The following VWA8 variants were observed in gnomAD, a reference collection of about 807,000 sequenced individuals.
The protein encoded by VWA8 is von Willebrand factor A domain-containing protein 8.
In VWA8, 221 loss-of-function variants were observed where a neutral mutation model predicts 241.5. The ratio of observed to expected loss-of-function variants is 0.91; its 90% CI spans 0.82 to 1.02. The LOEUF is 1.02. VWA8 is among the 50% of genes least tolerant of loss of function. The pLI, the probability that VWA8 is intolerant of heterozygous loss-of-function variation, is 0.00. For missense variants in VWA8, 2,322 were observed against 2,328.7 expected, an observed-to-expected ratio of 1.00 and a Z score of 0.06; for synonymous variants, 852 against 827.1, an observed-to-expected ratio of 1.03 and a Z score of -0.52.
At chr13:41,573,486 A>ATATATATATATATAT (rs1555303592) in intron 43 of VWA8, among the ~76,000 whole-genome samples, 22 of 113,582 alleles carry the variant, frequency 1.9e-4, no homozygotes, top group Middle Eastern at 4.5e-3. Context: ...AAAAAAAAAA[A>ATATATATATATATAT]ATATATATAT....
chr13:41,616,917 A>C (rs1360271180), intron 37 of VWA8, among the ~76,000 whole-genome samples: 1 of 152,196 alleles, frequency 6.6e-6, no homozygotes, highest in Non-Finnish European at 1.5e-5. Context: ...AGAAATGAGA[A>C]GGACAAAGAA....
At chr13:41,739,848 G>GTTTTTTTTTTTTTTT (rs1179107917) in intron 21 of VWA8, among the ~76,000 whole-genome samples, 1 of 50,896 alleles carries the variant, frequency 2.0e-5, no homozygotes, top group African/African-American at 6.4e-5. Flanking sequence ...TGTTTTTTTT[G>GTTTTTTTTTTTTTTT]TTTTTTTTGT....
chr13:41,935,971 A>G (rs1251007986), intron 2 of VWA8, among the ~76,000 whole-genome samples: 5 of 152,090 alleles, frequency 3.3e-5, no homozygotes, highest in African/African-American at 9.7e-5. Flanking sequence ...TCTACTTTCT[A>G]TCTCTACCAC....
At chr13:41,883,304 G>A in intron 9 of VWA8, 83 bp downstream of exon 9, 1 of 1,061,310 alleles carries the variant, frequency 9.4e-7, no homozygotes, top group East Asian at 2.5e-5. Flanking sequence ...GGAAAGGTGG[G>A]GAAAGGAGTG....
chr13:41,831,952 GA>G (rs1272918406), intron 13 of VWA8, among the ~76,000 whole-genome samples: 1 of 142,482 alleles, frequency 7.0e-6, no homozygotes, highest in Non-Finnish European at 1.5e-5. Flanking sequence ...TTTTTTTTGA[GA>G]CAGAGTCTCG....
chr13:41,729,577 T>G lies in VWA8; in HGVS notation c.2603A>C (p.Glu868Ala), dbSNP rs1407880328. Residue 868 changes from glutamate (E) to alanine (A), a missense_variant, in exon 23 of 45, where the codon GAA becomes GCA. Transcript: ENST00000379310. ...CILKTLVENG[E>A]MILADGRRIV... is the part of the protein sequence containing the mutation. Reference sequence around the variant, plus strand: ...GCGTCTTCCATCTGCTAGAATCATTTCTCCATTTTCTACTAGAGTTTTTAA... The same window carrying G: ...GCGTCTTCCATCTGCTAGAATCATTGCTCCATTTTCTACTAGAGTTTTTAA... 6.2e-7 allele frequency: 1 copy of G among 1,612,664 alleles called. No individual in the cohort carries two copies. Among genetic ancestry groups the G allele is most frequent in the Non-Finnish European group, 8.5e-7 (1 of 1,179,382 alleles).
chr13:41,632,988 T>C (rs1292006586), intron 37 of VWA8, among the ~76,000 whole-genome samples: 2 of 152,046 alleles, frequency 1.3e-5, no homozygotes, highest in Non-Finnish European at 2.9e-5. Context: ...GCTAAGGGCA[T>C]TTGTGGTTTT....
At chr13:41,586,702 T>C (rs1465629257) in intron 42 of VWA8, among the ~76,000 whole-genome samples, 2 of 152,192 alleles carry the variant, frequency 1.3e-5, no homozygotes, top group African/African-American at 2.4e-5. Flanking sequence ...TCAAGCCTAA[T>C]AGCAATCTAA....
chr13:41,922,513 G>A (rs765396905), intron 2 of VWA8, among the ~76,000 whole-genome samples: 2 of 152,050 alleles, frequency 1.3e-5, no homozygotes, highest in African/African-American at 4.8e-5. Context: ...CAGAATGGGA[G>A]AAAATTTTTA....
Position 41,768,921 on chromosome 13 carries a change from T to G in VWA8, c.2350-7717A>C, listed in dbSNP as rs923188894. On this transcript the variant is annotated intron_variant, in intron 20 of 44. Transcript: ENST00000379310. ...ACAATGCCTTTTTTTTTTTTTTTTTTGAGACAGAATCTTGCTCTACTGCCC... is the reference window on the plus strand; with the variant it reads ...ACAATGCCTTTTTTTTTTTTTTTTTGGAGACAGAATCTTGCTCTACTGCCC... Among the ~76,000 whole-genome samples the G allele has an allele frequency of 2.4e-3, 323 of 134,158 alleles. 2 individuals are homozygous for G. Among genetic ancestry groups the G allele is most frequent in the African/African-American group, 8.5e-3 (310 of 36,502 alleles). The allele number at this position is 134,158 out of a possible 152,430, so 88.0% of individuals were successfully genotyped here. A position where few individuals can be genotyped will look rare whatever the true frequency, so the allele number is the denominator to read the frequency against.
At chr13:41,755,931 C>T (rs550474665) in intron 21 of VWA8, among the ~76,000 whole-genome samples, 9 of 151,414 alleles carry the variant, frequency 5.9e-5, no homozygotes, top group Non-Finnish European at 1.2e-4. Context: ...AAGAACAACA[C>T]GTGAAATCGA....
intron 2 of VWA8, among the ~76,000 whole-genome samples, chr13:41,932,116 A>G (rs1048002972): frequency 2.0e-5 from 3 of 152,120 alleles, no homozygotes; most frequent in Non-Finnish European, 2.9e-5. Flanking sequence ...TGACAGAGAG[A>G]CAGACAGACA....
intron 25 of VWA8, 27 bp downstream of exon 25, chr13:41,721,343 T>C (rs776979899): frequency 4.4e-6 from 7 of 1,608,974 alleles, no homozygotes; most frequent in Non-Finnish European, 6.0e-6. Flanking sequence ...GTGATGGCTC[T>C]TAGGTACAGG....
intron 16 of VWA8, among the ~76,000 whole-genome samples, chr13:41,812,593 C>A (rs1870519280): frequency 6.6e-6 from 1 of 152,156 alleles, no homozygotes; most frequent in South Asian, 2.1e-4. Flanking sequence ...CACCTAAGGT[C>A]ATCTCCGTAT....
intron 17 of VWA8, 87 bp downstream of exon 17, chr13:41,811,138 T>C (rs1165921620): frequency 2.9e-5 from 33 of 1,139,130 alleles, no homozygotes; most frequent in South Asian, 1.2e-4. Flanking sequence ...TTTTGAAGAA[T>C]TGGGAATATG....
chr13:41,837,348 G>C (rs1325338142), intron 12 of VWA8, among the ~76,000 whole-genome samples: 1 of 152,150 alleles, frequency 6.6e-6, no homozygotes, highest in Non-Finnish European at 1.5e-5. Context: ...TCCTTAAAGA[G>C]ATAGTTGGCC....
In VWA8 at chr13:41,912,139, G is replaced by A. The variant is rs372888068; in HGVS notation, c.271C>T (p.Gln91Ter). The change falls in exon 3 of 45, where the codon CAG (glutamine) becomes TAG (stop). Residue 91 changes from glutamine to a stop codon, truncating the protein, a stop_gained. Coordinates refer to ENST00000379310, the MANE Select transcript of VWA8 (RefSeq NM_015058.2). LOFTEE classifies it high-confidence loss of function. The part of the protein sequence containing the change: ...ISDSLAQSVV[Q>*]HLRWIMQKDL... ...TTCTGCATTATCCATCTTAGATGCT[G>A]AACTACAGATTGAGCCAGAGAGTCT... 1.2e-6 allele frequency: 2 copies of A among 1,605,870 alleles called. No individual in the cohort carries two copies. Among genetic ancestry groups the A allele is most frequent in the South Asian group, 1.1e-5 (1 of 89,576 alleles).
intron 9 of VWA8, among the ~76,000 whole-genome samples, chr13:41,881,404 T>C (rs1250124352): frequency 1.1e-5 from 1 of 94,900 alleles, no homozygotes; most frequent in African/African-American, 4.1e-5. Context: ...AGGTCACAGA[T>C]CAACAGGATA....
At chr13:41,693,262 C>G (rs1198761351) in intron 29 of VWA8, among the ~76,000 whole-genome samples, 1 of 151,812 alleles carries the variant, frequency 6.6e-6, no homozygotes, top group African/African-American at 2.4e-5. Flanking sequence ...TATGTAAAAA[C>G]CATTCCCTTT....
Sources: gnomAD v4.1 joint callset for allele counts (sites outside exome capture counted in the v4.1 genomes callset) on GRCh38, gnomAD v4.1.1 for gene constraint, MANE v1.5 for transcripts, NCBI Gene and HGNC (gene_info 2026-07-23, HGNC 2026-07-21) for gene names.